UNC80: variants seen among roughly 807,000 people sequenced by gnomAD.
UNC80 encodes the protein protein unc-80 homolog.
UNC80 carries 164 observed loss-of-function variants against 384.6 expected under a neutral mutation model. That is an observed-to-expected ratio of 0.43 (90% CI 0.38 to 0.49). The LOEUF (loss-of-function observed/expected upper bound fraction) is 0.49. Ranked by LOEUF, UNC80 falls within the 20% of genes least tolerant of loss-of-function variation. The probability of loss-of-function intolerance (pLI) is 0.00; values close to 1 mark genes in which losing one functional copy is unlikely to be tolerated. For synonymous variants in UNC80, 1,486 were observed against 1,527.8 expected, an observed-to-expected ratio of 0.97 and a Z score of 0.64; for missense variants, 3,330 against 4,143.0, an observed-to-expected ratio of 0.80 and a Z score of 5.39.
chr2:209,829,847 T>A (rs2080823781), intron 15 of UNC80, among the ~76,000 whole-genome samples: 3 of 152,210 alleles, frequency 2.0e-5, no homozygotes, highest in Non-Finnish European at 2.9e-5. Flanking sequence ...GTAAACATAG[T>A]AGTAACACAA....
intron 43 of UNC80, 63 bp from the exon 44 acceptor site, chr2:209,941,158 C>T (rs2091604696): frequency 1.4e-6 from 2 of 1,446,850 alleles, no homozygotes; most frequent in Non-Finnish European, 1.8e-6. Flanking sequence ...GGTTTGATCA[C>T]CTCTCATGCT....
intron 62 of UNC80, among the ~76,000 whole-genome samples, chr2:209,992,661 C>G (rs2093414411): frequency 6.6e-6 from 1 of 152,126 alleles, no homozygotes; most frequent in African/African-American, 2.4e-5. Flanking sequence ...TTGTTCCTTA[C>G]CCAGAAACTT....
chr2:209,793,907 A>C (rs907308813), intron 7 of UNC80, 48 bp downstream of exon 7: 1 of 1,606,036 alleles, frequency 6.2e-7, no homozygotes, highest in African/African-American at 1.3e-5. Flanking sequence ...GGTCACCAAA[A>C]ATCAAATATG....
At chr2:209,843,155 T>C (rs1319031542) in intron 21 of UNC80, among the ~76,000 whole-genome samples, 1 of 152,208 alleles carries the variant, frequency 6.6e-6, no homozygotes, top group African/African-American at 2.4e-5. Context: ...CTTTTTATTA[T>C]GTATTTTAGT....
At chr2:209,950,016 T>A (rs1321480720) in intron 47 of UNC80, among the ~76,000 whole-genome samples, 1 of 148,830 alleles carries the variant, frequency 6.7e-6, no homozygotes, top group Non-Finnish European at 1.5e-5. Flanking sequence ...TTTTGAGAGA[T>A]AAAGAAAGTC....
In UNC80 at chr2:209,782,090, A is replaced by T. The variant is rs11680007; in HGVS notation, c.601-3976A>T. Among the ~76,000 whole-genome samples, 3 of 152,184 alleles carry T rather than the reference A, an allele frequency of 2.0e-5. No individual in the cohort carries two copies. The East Asian group carries it at 5.8e-4, about 29-fold the overall frequency. Reference sequence around the variant, plus strand: ...ATATCTTACATGGACCCTTTACTTGAGCCACTTTCTAACTAGATTCAGTCT... The same window carrying T: ...ATATCTTACATGGACCCTTTACTTGTGCCACTTTCTAACTAGATTCAGTCT... On this transcript the variant is annotated intron_variant, in intron 4 of 64. Coordinates refer to ENST00000673920, the MANE Select transcript of UNC80 (RefSeq NM_001371986.1).
chr2:209,835,941 C>T (rs1161273300), intron 18 of UNC80, among the ~76,000 whole-genome samples: 1 of 152,164 alleles, frequency 6.6e-6, no homozygotes, highest in Non-Finnish European at 1.5e-5. Context: ...GTAGTAAACA[C>T]AAATTTGTGA....
At chr2:209,993,244 T>C in intron 62 of UNC80, 71 bp from the exon 63 acceptor site, 2 of 1,183,818 alleles carry the variant, frequency 1.7e-6, no homozygotes, top group Non-Finnish European at 2.4e-6. Flanking sequence ...CAGAAACATA[T>C]AAATAAAGAA....
At chr2:209,832,307 T>C (rs928974821) in intron 16 of UNC80, among the ~76,000 whole-genome samples, 2 of 151,832 alleles carry the variant, frequency 1.3e-5, no homozygotes, top group Non-Finnish European at 1.5e-5. Flanking sequence ...CCTATAGAAA[T>C]AAAAAAATTA....
Position 209,888,114 on chromosome 2 carries a change from T to G in UNC80, c.4130T>G (p.Leu1377Arg). 6.4e-7 allele frequency: 1 copy of G among 1,551,670 alleles called. No individual in the cohort carries two copies. The highest frequency in any genetic ancestry group is 8.7e-7 in the Non-Finnish European group (1 of 1,146,976). ...EPLVDLESCRLRLDPELDRHR... is the reference protein window; with the variant it reads ...EPLVDLESCRRRLDPELDRHR... ...TTTTAGGACTTGGAGAGCTGCAGAC[T>G]TCGTTTGGATCCCGAGTTGGACCGG... Residue 1377 changes from leucine (L) to arginine (R), a missense_variant, in exon 26 of 65, where the codon CTT (leucine) becomes CGT (arginine). By Grantham distance (102) the Leu-to-Arg change is moderately radical. Around this residue, in one of 8 missense-constraint regions of UNC80, gnomAD observed 801 missense variants for 950.8 expected, o/e 0.84. Coordinates refer to ENST00000673920, the MANE Select transcript of UNC80 (RefSeq NM_001371986.1).
intron 58 of UNC80, 52 bp from the exon 59 acceptor site, chr2:209,978,477 G>A: frequency 7.0e-7 from 1 of 1,422,356 alleles, no homozygotes; most frequent in Non-Finnish European, 9.4e-7. Context: ...ACTTTGAAGT[G>A]GACATTTAAG....
intron 13 of UNC80, among the ~76,000 whole-genome samples, chr2:209,820,952 T>C (rs1396547771): frequency 6.6e-6 from 1 of 152,230 alleles, no homozygotes; most frequent in African/African-American, 2.4e-5. Context: ...TCAGTTATGC[T>C]ATGTTGCCAT....
chr2:209,936,777 A>G (rs2124973113), intron 40 of UNC80, 67 bp from the exon 41 acceptor site: 2 of 1,109,432 alleles, frequency 1.8e-6, no homozygotes, highest in Non-Finnish European at 2.6e-6. Flanking sequence ...TGTATCTGTC[A>G]CCTTACTACC....
At chr2:209,963,453 G>C (rs1256661170) in intron 51 of UNC80, among the ~76,000 whole-genome samples, 1 of 152,206 alleles carries the variant, frequency 6.6e-6, no homozygotes, top group Non-Finnish European at 1.5e-5. Context: ...CCAGGAATTA[G>C]AGAAATTCAG....
In UNC80 at chr2:209,839,936, T is replaced by C. The variant is rs1476874550; in HGVS notation, c.3250+506T>C. ...TCCAGGTAGCCATTATTTGCAAAGA[T>C]ATTAGGAGGCTGAAGGGAAGTGAAG... On this transcript the variant is annotated intron_variant, in intron 19 of 64. Transcript: ENST00000673920. The surrounding 1 kb of genome is among the most constrained non-coding windows in gnomAD (Gnocchi z 4.1). Among the ~76,000 whole-genome samples, 6 of 151,870 alleles carry C rather than the reference T, an allele frequency of 4.0e-5. No homozygotes were observed. Among genetic ancestry groups the C allele is most frequent in the African/African-American group, 1.5e-4 (6 of 41,328 alleles).
chr2:209,852,106 G>A (rs2082575906), intron 22 of UNC80, among the ~76,000 whole-genome samples: 1 of 152,072 alleles, frequency 6.6e-6, no homozygotes, highest in African/African-American at 2.4e-5. Context: ...CACTGACTGA[G>A]TAGCCTGCAT....
At chr2:209,970,164 G>T in intron 53 of UNC80, 1 of 403,078 alleles carries the variant, frequency 2.5e-6, no homozygotes, top group South Asian at 4.6e-5. Context: ...AGAGTTGAGG[G>T]CTGCCAGTTG....
chr2:209,831,639 G>A (rs1242879927), intron 16 of UNC80, 48 bp downstream of exon 16: 1 of 1,453,876 alleles, frequency 6.9e-7, no homozygotes, highest in Non-Finnish European at 9.1e-7. Context: ...TCTCTGCCCT[G>A]AGAAAAGTAC....
intron 20 of UNC80, among the ~76,000 whole-genome samples, chr2:209,841,337 T>TTTG (rs950438003): frequency 1.1e-4 from 17 of 152,178 alleles, no homozygotes; most frequent in Admixed American, 5.2e-4. Flanking sequence ...CTTGTGGGTT[T>TTTG]TTGTTGTTGT....
Sources: allele counts gnomAD v4.1 joint callset (sites outside exome capture counted in the v4.1 genomes callset), GRCh38; gene constraint gnomAD v4.1.1; regional missense constraint gnomAD v4.1.1; non-coding constraint Gnocchi (gnomAD v3.1); transcripts MANE v1.5; gene names NCBI Gene and HGNC (gene_info 2026-07-23, HGNC 2026-07-21).